Variants in TRHDE observed in about 807,000 individuals in gnomAD.
TRHDE encodes thyrotropin-releasing hormone-degrading ectoenzyme.
A neutral mutation model predicts 125.7 loss-of-function variants in TRHDE; 72 were observed. The ratio of observed to expected loss-of-function variants is 0.57; its 90% CI spans 0.47 to 0.70. The LOEUF (loss-of-function observed/expected upper bound fraction) is 0.70. TRHDE is among the 30% of genes least tolerant of loss of function. The probability of loss-of-function intolerance (pLI) is 0.00; values close to 1 mark genes in which losing one functional copy is unlikely to be tolerated. For missense variants in TRHDE, 1,110 were observed against 1,327.1 expected, an observed-to-expected ratio of 0.84 and a Z score of 2.54; for synonymous variants, 509 against 509.1, an observed-to-expected ratio of 1.00 and a Z score of 0.00.
intron 3 of TRHDE, among the ~76,000 whole-genome samples, chr12:72,415,108 A>C (rs1459009231): frequency 6.6e-6 from 1 of 152,044 alleles, no homozygotes; most frequent in East Asian, 1.9e-4. Flanking sequence ...AATTTATACA[A>C]ATGAGCTCTC....
intron 5 of TRHDE, among the ~76,000 whole-genome samples, chr12:72,488,488 T>G (rs576351310): frequency 4.6e-5 from 7 of 152,160 alleles, no homozygotes; most frequent in African/African-American, 1.7e-4. Context: ...CACCCAACAC[T>G]GGAGCACCTA....
At chr12:72,517,637 T>A (rs940149515) in intron 6 of TRHDE, among the ~76,000 whole-genome samples, 1 of 152,190 alleles carries the variant, frequency 6.6e-6, no homozygotes, top group Admixed American at 6.5e-5. Context: ...TTTGTGTCTC[T>A]ATGTCCTTCA....
intron 12 of TRHDE, among the ~76,000 whole-genome samples, chr12:72,611,793 G>C (rs1872642800): frequency 6.6e-6 from 1 of 152,152 alleles, no homozygotes; most frequent in African/African-American, 2.4e-5. Context: ...AGATAAAAAG[G>C]AGAGAAAATT....
chr12:72,600,603 A>T (rs991317476), intron 12 of TRHDE, among the ~76,000 whole-genome samples: 3 of 151,966 alleles, frequency 2.0e-5, no homozygotes, highest in Admixed American at 6.6e-5. Context: ...TTGTTTTCTA[A>T]AACTTTACTG....
intron 2 of TRHDE, among the ~76,000 whole-genome samples, chr12:72,198,412 T>C (rs901961573): frequency 1.3e-5 from 2 of 152,202 alleles, no homozygotes; most frequent in Non-Finnish European, 2.9e-5. Flanking sequence ...GATTATACTA[T>C]ATTGTTCACT....
intron 2 of TRHDE, chr12:72,306,594 T>TTCA (rs1565692126): frequency 1.3e-5 from 2 of 152,190 alleles, no homozygotes; most frequent in Non-Finnish European, 2.9e-5. Context: ...GGTATCATGA[T>TTCA]TTCATTCATT....
chr12:72,620,965 G>T (rs1367001370), intron 13 of TRHDE, 143 bp from the exon 14 acceptor site: 3 of 412,460 alleles, frequency 7.3e-6, no homozygotes, highest in Non-Finnish European at 1.3e-5. Context: ...AATTATAATA[G>T]AACATTACTG....
intron 7 of TRHDE, among the ~76,000 whole-genome samples, chr12:72,561,363 C>T (rs1399327774): frequency 2.0e-5 from 3 of 152,022 alleles, no homozygotes; most frequent in Non-Finnish European, 2.9e-5. Flanking sequence ...TTCAAATGAA[C>T]GAGGAGGGAC....
intron 7 of TRHDE, among the ~76,000 whole-genome samples, chr12:72,560,053 G>A (rs1870105600): frequency 6.6e-6 from 1 of 152,060 alleles, no homozygotes; most frequent in Non-Finnish European, 1.5e-5. Flanking sequence ...TATCCTTTAA[G>A]TTTCTTTATA....
Position 72,512,522 on chromosome 12 carries a change from T to TG in TRHDE, c.1722+12887_1722+12888insG, listed in dbSNP as rs1259157482. On this transcript the variant is annotated intron_variant, in intron 6 of 18. Transcript: ENST00000261180. Reference sequence around the variant, plus strand: ...TATATAGTTATAATTATATTATATATAATATATATGATTATATATATTCAT... The same window carrying TG: ...TATATAGTTATAATTATATTATATATGAATATATATGATTATATATATTCAT... Among the ~76,000 whole-genome samples the TG allele has an allele frequency of 2.6e-4, 36 of 138,422 alleles. No individual in the cohort carries two copies. In the South Asian group the frequency reaches 5.8e-3, roughly 22 times the overall value. 90.8% of individuals were successfully genotyped at this position (138,422 alleles called of 152,430 possible).
At chr12:72,283,422 A>G (rs1879767244) in intron 1 of TRHDE, among the ~76,000 whole-genome samples, 1 of 152,178 alleles carries the variant, frequency 6.6e-6, no homozygotes, top group South Asian at 2.1e-4. Flanking sequence ...TTGAAATTCA[A>G]TTGCAATCAT....
intron 3 of TRHDE, among the ~76,000 whole-genome samples, chr12:72,450,218 T>C (rs1462267998): frequency 6.6e-6 from 1 of 151,962 alleles, no homozygotes; most frequent in Admixed American, 6.6e-5. Flanking sequence ...TTACATAGGA[T>C]TCTATTATCT....
intron 12 of TRHDE, among the ~76,000 whole-genome samples, chr12:72,587,859 G>C (rs546150677): frequency 2.0e-5 from 3 of 151,638 alleles, no homozygotes; most frequent in African/African-American, 7.3e-5. Context: ...TTAATTTGTT[G>C]GTCTGTTTTT....
At chr12:72,543,396 A>G (rs557262271) in intron 7 of TRHDE, among the ~76,000 whole-genome samples, 1 of 151,578 alleles carries the variant, frequency 6.6e-6, no homozygotes, top group Non-Finnish European at 1.5e-5. Flanking sequence ...AGGGTTTGAA[A>G]TTTACTTTAA....
At chr12:72,287,820 A>G (rs1879946453) in intron 2 of TRHDE, among the ~76,000 whole-genome samples, 1 of 152,162 alleles carries the variant, frequency 6.6e-6, no homozygotes, top group Non-Finnish European at 1.5e-5. Flanking sequence ...ACATGCAATT[A>G]CATTGCATTA....
In TRHDE at chr12:72,273,164, A is replaced by AGCGGGAGCC. The variant is rs1302003649; in HGVS notation, c.523_531dup (p.Arg175_Pro177dup). 4 of 1,584,590 alleles carry AGCGGGAGCC rather than the reference A, an allele frequency of 2.5e-6. No individual in the cohort carries two copies. The highest frequency in any genetic ancestry group is 2.6e-6 in the Non-Finnish European group (3 of 1,162,192). On this transcript the variant is annotated inframe_insertion, in exon 1 of 19. Coordinates refer to ENST00000261180, the MANE Select transcript of TRHDE (RefSeq NM_013381.3). The surrounding 1 kb of genome is among the most constrained non-coding windows in gnomAD (Gnocchi z 5.3). ...TCGGCCCAGCCGCCGTCGGAGGAGG[A>AGCGGGAGCC]GCGGGAGCCGTGGGAGCCGTGGACG... is the stretch of plus-strand genomic sequence containing the variant.
At chr12:72,238,754 T>C (rs930536670) in intron 2 of TRHDE, among the ~76,000 whole-genome samples, 4 of 152,188 alleles carry the variant, frequency 2.6e-5, no homozygotes, top group African/African-American at 9.7e-5. Flanking sequence ...TAGTATTCCA[T>C]GGTGTATATG....
At chr12:72,395,978 G>T (rs866781746) in intron 3 of TRHDE, among the ~76,000 whole-genome samples, 42 of 151,290 alleles carry the variant, frequency 2.8e-4, no homozygotes, top group African/African-American at 1.0e-3. Context: ...TTATCTAGCT[G>T]CATCTGTACT....
intron 3 of TRHDE, among the ~76,000 whole-genome samples, chr12:72,420,037 A>G (rs1873887519): frequency 1.3e-5 from 2 of 152,194 alleles, no homozygotes; most frequent in Middle Eastern, 3.2e-3. Context: ...ACAATACATT[A>G]TTTCAAAGGT....
Sources: allele counts gnomAD v4.1 joint callset (sites outside exome capture counted in the v4.1 genomes callset), GRCh38; gene constraint gnomAD v4.1.1; non-coding constraint Gnocchi (gnomAD v3.1); transcripts MANE v1.5; gene names NCBI Gene and HGNC (gene_info 2026-07-23, HGNC 2026-07-21).